PIK3CA: variants seen among roughly 807,000 people sequenced by gnomAD.
PIK3CA encodes phosphatidylinositol-4,5-bisphosphate 3-kinase catalytic subunit alpha, also known as phosphatidylinositol 4,5-bisphosphate 3-kinase catalytic subunit alpha isoform.
PIK3CA carries 27 observed loss-of-function variants against 138.2 expected under a neutral mutation model. The observed-to-expected ratio is 0.20, with a 90% CI of 0.14 to 0.27. The LOEUF is 0.27. PIK3CA is among the 10% of genes least tolerant of loss of function. PIK3CA has a pLI of 1.00. For synonymous variants in PIK3CA, 358 were observed against 413.2 expected (o/e 0.87, Z 1.62); for missense variants, 544 against 1,277.4 (o/e 0.43, Z 8.75).
Position 179,203,758 on chromosome 3 carries a change from A to G in PIK3CA, c.1028A>G (p.Tyr343Cys), listed in dbSNP as rs2108393253. ...AGAATAAAAATTCTTTGTGCAACCTACGTGAATGTAAATATTCGAGACATT... is the reference window on the plus strand; with the variant it reads ...AGAATAAAAATTCTTTGTGCAACCTGCGTGAATGTAAATATTCGAGACATT... Reference protein sequence around the residue: ...ALRIKILCATYVNVNIRDIDK... With the variant: ...ALRIKILCATCVNVNIRDIDK... Residue 343 changes from tyrosine (Y) to cysteine (C), a missense_variant, in exon 5 of 21, where the codon TAC (tyrosine) becomes TGC (cysteine). Around this residue, in one of 14 missense-constraint regions of PIK3CA, gnomAD observed 234 missense variants for 401.3 expected, o/e 0.58. Transcript: ENST00000263967. 1 of 1,610,462 alleles carries G rather than the reference A, an allele frequency of 6.2e-7. No homozygotes were observed. Among genetic ancestry groups the G allele is most frequent in the South Asian group, 1.1e-5 (1 of 90,826 alleles).
chr3:179,148,155 C>G (rs1722897627), upstream of PIK3CA: 1 of 150,636 alleles, frequency 6.6e-6, no homozygotes, highest in African/African-American at 2.5e-5. Context: ...AGCTCTTACC[C>G]TCTTCTGCCG....
intron 1 of PIK3CA, among the ~76,000 whole-genome samples, chr3:179,174,383 T>C (rs1195150986): frequency 6.6e-6 from 1 of 152,114 alleles, no homozygotes; most frequent in Non-Finnish European, 1.5e-5. Flanking sequence ...GGCAGGAGAA[T>C]AGCTTGAACC....
At chr3:179,170,066 ACG>A (rs574634103) in intron 1 of PIK3CA, among the ~76,000 whole-genome samples, 27,642 of 107,326 alleles carry the variant, frequency 0.26, 3,080 homozygotes, top group African/African-American at 0.37. Context: ...GCGCGTGCAC[ACG>A]CGCGCGCGCA....
intron 1 of PIK3CA, among the ~76,000 whole-genome samples, chr3:179,173,840 C>A (rs1723627172): frequency 6.6e-6 from 1 of 151,866 alleles, no homozygotes; most frequent in African/African-American, 2.4e-5. Context: ...GATTCTTCTG[C>A]CTCAGCCTCC....
Position 179,230,851 on chromosome 3 carries a change from G to A in PIK3CA, c.2936+475G>A, listed in dbSNP as rs982251529. ...TCTATCTTATTTCAATAGCTTTTGG[G>A]GTACACGTGGTTTTTGATTACATGG... On this transcript the variant is annotated intron_variant, in intron 20 of 20. Transcript: ENST00000263967. The surrounding 1 kb of genome is among the most constrained non-coding windows in gnomAD (Gnocchi z 5.4). Among the ~76,000 whole-genome samples, 2 of 152,036 alleles carry A rather than the reference G, an allele frequency of 1.3e-5. No individual in the cohort carries two copies. Among genetic ancestry groups the A allele is most frequent in the African/African-American group, 4.8e-5 (2 of 41,390 alleles).
Position 179,202,664 on chromosome 3 carries a change from G to A in PIK3CA, c.814-880G>A, listed in dbSNP as rs577992387. Among the ~76,000 whole-genome samples the A allele has an allele frequency of 2.0e-4, 31 of 152,168 alleles. 1 individual carries two copies. In the South Asian group the frequency reaches 2.1e-3, roughly 10 times the overall value. ...TAGTAACATTTATATTAAAAATCTC[G>A]TCTTAACTACCATTTCAAAATTCAG... On this transcript the variant is annotated intron_variant, in intron 4 of 20. Coordinates refer to ENST00000263967, the MANE Select transcript of PIK3CA (RefSeq NM_006218.4).
At chr3:179,233,910 G>C (rs1023425741) in intron 20 of PIK3CA, among the ~76,000 whole-genome samples, 184 bp from the exon 21 acceptor site, 3 of 152,114 alleles carry the variant, frequency 2.0e-5, no homozygotes, top group Non-Finnish European at 4.4e-5. Context: ...TTATTCTCTT[G>C]AAGTTTACAT....
intron 1 of PIK3CA, among the ~76,000 whole-genome samples, chr3:179,157,272 G>A (rs1050581466): frequency 2.7e-4 from 41 of 152,208 alleles, no homozygotes; most frequent in African/African-American, 9.1e-4. Flanking sequence ...ATGATAGGCA[G>A]CATCTTATGG....
intron 1 of PIK3CA, among the ~76,000 whole-genome samples, chr3:179,171,099 G>C (rs1271217357): frequency 6.6e-6 from 1 of 151,846 alleles, no homozygotes; most frequent in Non-Finnish European, 1.5e-5. Context: ...GGTATGTTTT[G>C]CAACTACAAA....
intron 6 of PIK3CA, among the ~76,000 whole-genome samples, chr3:179,208,282 G>A (rs1210603480): frequency 6.6e-6 from 1 of 152,094 alleles, no homozygotes; most frequent in Non-Finnish European, 1.5e-5. Context: ...CTATTTTATT[G>A]TTGATTAAGA....
intron 10 of PIK3CA, among the ~76,000 whole-genome samples, chr3:179,218,958 A>G (rs1243011304): frequency 7.2e-5 from 11 of 152,080 alleles, no homozygotes; most frequent in Non-Finnish European, 1.5e-4. Context: ...AAATGTAAGT[A>G]CTTATAATCC....
intron 6 of PIK3CA, among the ~76,000 whole-genome samples, chr3:179,205,955 G>T (rs1372394397): frequency 6.6e-6 from 1 of 152,142 alleles, no homozygotes; most frequent in Non-Finnish European, 1.5e-5. Flanking sequence ...CCTAGGTAAG[G>T]TTAAAAGAGA....
intron 1 of PIK3CA, among the ~76,000 whole-genome samples, chr3:179,169,684 A>G (rs1723502786): frequency 6.6e-6 from 1 of 152,152 alleles, no homozygotes; most frequent in African/African-American, 2.4e-5. Context: ...GGCCAATACT[A>G]TTCTATTTTT....
chr3:179,224,481 A>G (rs938774214), intron 15 of PIK3CA, among the ~76,000 whole-genome samples: 2 of 151,712 alleles, frequency 1.3e-5, no homozygotes, highest in African/African-American at 4.9e-5. Context: ...ATATATCTCT[A>G]TATATTTGTT....
At chr3:179,206,088 T>A (rs1245588479) in intron 6 of PIK3CA, among the ~76,000 whole-genome samples, 21 of 75,184 alleles carry the variant, frequency 2.8e-4, no homozygotes, top group African/African-American at 8.6e-4. Flanking sequence ...TTCAGGATCT[T>A]TTTTTTTTTT....
chr3:179,224,212 T>C, intron 15 of PIK3CA, 25 bp downstream of exon 15: 2 of 1,083,726 alleles, frequency 1.8e-6, no homozygotes, highest in South Asian at 1.4e-5. Context: ...GTTTCATTGA[T>C]ATATTTAAAT....
At chr3:179,148,269 A>G (rs1424354258), upstream of PIK3CA, 1 of 151,918 alleles carries the variant, frequency 6.6e-6, no homozygotes, top group African/African-American at 2.4e-5. Flanking sequence ...CAAAAGGAAA[A>G]AAAAACAGGG....
At chr3:179,182,700 A>G (rs987062700) in intron 1 of PIK3CA, among the ~76,000 whole-genome samples, 5 of 151,952 alleles carry the variant, frequency 3.3e-5, no homozygotes, top group African/African-American at 1.2e-4. Context: ...CTACTCACTG[A>G]TCATGTATGT....
chr3:179,183,853 A>G (rs1028593708), intron 1 of PIK3CA, among the ~76,000 whole-genome samples: 3 of 152,216 alleles, frequency 2.0e-5, no homozygotes, highest in African/African-American at 7.2e-5. Context: ...TCCAGTGTCT[A>G]ATCCTTGTTG....
Sources: gnomAD v4.1 joint callset for allele counts (sites outside exome capture counted in the v4.1 genomes callset) on GRCh38, gnomAD v4.1.1 for gene constraint, gnomAD v4.1.1 regional missense constraint, Gnocchi (gnomAD v3.1) non-coding constraint, MANE v1.5 for transcripts, NCBI Gene and HGNC (gene_info 2026-07-23, HGNC 2026-07-21) for gene names.